Variants in EYS observed in about 807,000 individuals in gnomAD.
The protein encoded by EYS is protein eyes shut homolog.
In EYS, 250 loss-of-function variants were observed where a neutral mutation model predicts 282.1. The observed-to-expected ratio is 0.89, with a 90% CI of 0.80 to 0.98. The LOEUF (loss-of-function observed/expected upper bound fraction) is 0.98. Ranked by LOEUF, EYS falls within the 50% of genes least tolerant of loss-of-function variation. The pLI is 0.00. For missense variants in EYS, 4,016 were observed against 3,709.0 expected (o/e 1.08, Z -2.15); for synonymous variants, 1,355 against 1,282.9 (o/e 1.06, Z -1.20).
intron 12 of EYS, among the ~76,000 whole-genome samples, chr6:65,139,819 C>G (rs1764283822): frequency 6.6e-6 from 1 of 152,000 alleles, no homozygotes; most frequent in Admixed American, 6.6e-5. Flanking sequence ...TAACTTAAAA[C>G]AGAAGTGACG....
chr6:64,175,426 C>A (rs1764597502), intron 31 of EYS, among the ~76,000 whole-genome samples: 1 of 152,148 alleles, frequency 6.6e-6, no homozygotes, highest in Admixed American at 6.5e-5. Flanking sequence ...CGCAGGGATG[C>A]ATAATCTGGC....
chr6:63,840,530 C>A (rs1335406418), intron 36 of EYS, among the ~76,000 whole-genome samples: 1 of 151,926 alleles, frequency 6.6e-6, no homozygotes, highest in Non-Finnish European at 1.5e-5. Flanking sequence ...GTGCAGAAAT[C>A]TTTTAGTTTG....
chr6:63,845,821 C>A (rs1015393231), intron 36 of EYS, among the ~76,000 whole-genome samples: 4 of 152,144 alleles, frequency 2.6e-5, no homozygotes, highest in African/African-American at 9.7e-5. Flanking sequence ...TAGATATTGG[C>A]AGAAAGGCAC....
rs146337596 is a variant in EYS at position 65,540,872 on chromosome 6, G to A, written c.-332-44879C>T. ...CGGGAAGCGGAGGTAGCAGTGAGCC[G>A]AGATCACGCCATTGCACACTCCAAC... On this transcript the variant is annotated intron_variant, in intron 2 of 42. Coordinates refer to ENST00000503581, the MANE Select transcript of EYS (RefSeq NM_001142800.2). Among the ~76,000 whole-genome samples the A allele has an allele frequency of 2.7e-3, 415 of 152,150 alleles. 11 individuals are homozygous for A. The highest frequency in any genetic ancestry group is 0.024 in the Admixed American group (367 of 15,276).
At chr6:63,857,103 A>C (rs1230501081) in intron 36 of EYS, among the ~76,000 whole-genome samples, 1 of 152,186 alleles carries the variant, frequency 6.6e-6, no homozygotes, top group East Asian at 1.9e-4. Flanking sequence ...TTTTATAGTT[A>C]AGGATTTAAA....
chr6:64,543,037 T>A (rs2149800137), intron 26 of EYS, among the ~76,000 whole-genome samples: 1 of 152,244 alleles, frequency 6.6e-6, no homozygotes, highest in South Asian at 2.1e-4. Context: ...TATAATTGAG[T>A]CATATAATTT....
intron 5 of EYS, among the ~76,000 whole-genome samples, chr6:65,434,715 ACTT>A (rs143080289): frequency 0.023 from 3,450 of 152,194 alleles, 131 homozygotes; most frequent in African/African-American, 0.076. Context: ...CTCTCATCAT[ACTT>A]CTTCTCCTGA....
At chr6:64,436,314 T>G in intron 27 of EYS, 49 bp from the exon 28 acceptor site, 1 of 924,676 alleles carries the variant, frequency 1.1e-6, no homozygotes, top group Non-Finnish European at 1.7e-6. Context: ...AGCATGAAAT[T>G]AATACCATAT....
chr6:64,330,308 G>C (rs1460587293), intron 29 of EYS, among the ~76,000 whole-genome samples: 1 of 152,146 alleles, frequency 6.6e-6, no homozygotes, highest in Non-Finnish European at 1.5e-5. Flanking sequence ...TCCTCAACCT[G>C]GCACTGGACA....
intron 22 of EYS, chr6:64,631,242 T>TA (rs1176334583): frequency 1.3e-5 from 2 of 152,192 alleles, no homozygotes; most frequent in African/African-American, 4.8e-5. Flanking sequence ...AGCTAATTGA[T>TA]ACAAAAGAGT....
intron 12 of EYS, among the ~76,000 whole-genome samples, chr6:65,285,444 T>C (rs776888245): frequency 2.6e-5 from 4 of 151,952 alleles, no homozygotes; most frequent in Admixed American, 6.6e-5. Context: ...CTCTTGCATT[T>C]TTGGATGCTG....
chr6:64,625,436 T>C (rs1234411585), intron 23 of EYS, among the ~76,000 whole-genome samples: 5 of 152,180 alleles, frequency 3.3e-5, no homozygotes, highest in Non-Finnish European at 7.3e-5. Flanking sequence ...AACAAGTTGA[T>C]GACAGATCCT....
chr6:65,181,248 A>G (rs1370013211), intron 12 of EYS, among the ~76,000 whole-genome samples: 2 of 152,140 alleles, frequency 1.3e-5, no homozygotes, highest in Admixed American at 6.6e-5. Context: ...AGCAAAAGAA[A>G]CTACCATCAG....
chr6:63,830,335 G>A (rs961806252), intron 36 of EYS, among the ~76,000 whole-genome samples: 1 of 152,114 alleles, frequency 6.6e-6, no homozygotes, highest in African/African-American at 2.4e-5. Context: ...AAGATTAGAC[G>A]AATGGCTAAG....
chr6:65,433,857 T>G (rs1767968621), intron 5 of EYS, among the ~76,000 whole-genome samples: 1 of 152,178 alleles, frequency 6.6e-6, no homozygotes, highest in Non-Finnish European at 1.5e-5. Context: ...GAGGAAAAAT[T>G]AACAAGTTGA....
At chr6:64,911,960 T>C (rs75798311) in intron 16 of EYS, among the ~76,000 whole-genome samples, 2,160 of 152,230 alleles carry the variant, frequency 0.014, 47 homozygotes, top group African/African-American at 0.05. Context: ...GGAGCTCCAA[T>C]AGTATTTTTT....
At chr6:64,142,494 G>A (rs1774368886) in intron 31 of EYS, among the ~76,000 whole-genome samples, 1 of 152,098 alleles carries the variant, frequency 6.6e-6, no homozygotes, top group African/African-American at 2.4e-5. Flanking sequence ...TCTAAAGTAT[G>A]AGGTATAGCA....
intron 25 of EYS, among the ~76,000 whole-genome samples, chr6:64,592,301 A>G (rs993844615): frequency 1.3e-5 from 2 of 151,984 alleles, no homozygotes; most frequent in Non-Finnish European, 2.9e-5. Flanking sequence ...AAAAATTACA[A>G]CTCTTTGTCA....
chr6:63,753,849 T>C (rs1315233453), intron 41 of EYS, among the ~76,000 whole-genome samples: 2 of 152,230 alleles, frequency 1.3e-5, no homozygotes, highest in Non-Finnish European at 2.9e-5. Flanking sequence ...TACTTATATA[T>C]GCAAGTCCAC....
Sources: allele counts gnomAD v4.1 joint callset (sites outside exome capture counted in the v4.1 genomes callset), GRCh38; gene constraint gnomAD v4.1.1; transcripts MANE v1.5; gene names NCBI Gene and HGNC (gene_info 2026-07-23, HGNC 2026-07-21).